STK33: variants seen among roughly 807,000 people sequenced by gnomAD.
STK33 encodes the protein serine/threonine-protein kinase 33.
A neutral mutation model predicts 58.0 loss-of-function variants in STK33; 52 were observed. The observed-to-expected ratio is 0.90, with a 90% CI of 0.72 to 1.13. The LOEUF is 1.13. Ranked by LOEUF, STK33 falls within the 50% of genes most tolerant of loss-of-function variation. STK33 has a pLI of 0.00. For synonymous variants in STK33, 215 were observed against 200.1 expected (o/e 1.07, Z -0.63); for missense variants, 630 against 604.2 (o/e 1.04, Z -0.45).
chr11:8,510,231 T>C (rs1952202937), intron 1 of STK33, among the ~76,000 whole-genome samples: 1 of 152,236 alleles, frequency 6.6e-6, no homozygotes, highest in African/African-American at 2.4e-5. Flanking sequence ...GTGGTTTTAA[T>C]TTGCGTTTCC....
chr11:8,536,972 A>ATTTTTTTTTTTTTTTTT (rs1232336873), intron 1 of STK33, among the ~76,000 whole-genome samples: 3 of 65,734 alleles, frequency 4.6e-5, no homozygotes, highest in African/African-American at 1.4e-4. Flanking sequence ...AAAAAAAAAG[A>ATTTTTTTTTTTTTTTTT]TTTTTTTTTT....
At chr11:8,401,899 A>C (rs1590766460) in intron 15 of STK33, among the ~76,000 whole-genome samples, 1 of 152,272 alleles carries the variant, frequency 6.6e-6, no homozygotes, top group East Asian at 1.9e-4. Flanking sequence ...AGAAATGCAA[A>C]TCAAAACCAC....
chr11:8,452,507 T>C (rs1004713986), intron 11 of STK33, among the ~76,000 whole-genome samples: 10 of 152,260 alleles, frequency 6.6e-5, no homozygotes, highest in African/African-American at 2.4e-4. Context: ...TCAAGTCTGG[T>C]GCAGTGTCTC....
the STK33 span, among the ~76,000 whole-genome samples, chr11:8,343,036 G>C: frequency 6.6e-6 from 1 of 152,216 alleles, no homozygotes; most frequent in East Asian, 1.9e-4. Flanking sequence ...TAAGAAGTCC[G>C]CTGGGAGAAG....
At chr11:8,485,629 A>G (rs1272153671) in intron 1 of STK33, among the ~76,000 whole-genome samples, 3 of 152,234 alleles carry the variant, frequency 2.0e-5, no homozygotes, top group Non-Finnish European at 4.4e-5. Flanking sequence ...AAAGTTGACT[A>G]TAAAGTTGAC....
At chr11:8,459,521 G>A (rs1330369512) in intron 8 of STK33, among the ~76,000 whole-genome samples, 1 of 151,950 alleles carries the variant, frequency 6.6e-6, no homozygotes, top group Non-Finnish European at 1.5e-5. Flanking sequence ...TTAAGAACTG[G>A]GCAAAATATA....
At chr11:8,452,379 A>G (rs1448846730) in intron 11 of STK33, among the ~76,000 whole-genome samples, 1 of 152,188 alleles carries the variant, frequency 6.6e-6, no homozygotes, top group African/African-American at 2.4e-5. Flanking sequence ...AAATACTAAA[A>G]CAAGTGAAAT....
the STK33 span, among the ~76,000 whole-genome samples, chr11:8,363,848 C>G: frequency 1.3e-5 from 2 of 152,174 alleles, no homozygotes. Context: ...AGTTTTAATT[C>G]TGATGCAATT....
chr11:8,356,412 G>A, the STK33 span, among the ~76,000 whole-genome samples: 1 of 152,166 alleles, frequency 6.6e-6, no homozygotes, highest in African/African-American at 2.4e-5. Flanking sequence ...TGGCTGACAG[G>A]GGACCCTGCC....
chr11:8,493,662 C>A (rs1376551858), intron 1 of STK33, among the ~76,000 whole-genome samples: 1 of 152,186 alleles, frequency 6.6e-6, no homozygotes, highest in African/African-American at 2.4e-5. Flanking sequence ...AATTTTAGAA[C>A]AATATCCCTG....
At chr11:8,448,944 C>A (rs1414483778) in intron 11 of STK33, among the ~76,000 whole-genome samples, 1 of 151,492 alleles carries the variant, frequency 6.6e-6, no homozygotes, top group African/African-American at 2.4e-5. Context: ...CAAGAAAAAA[C>A]AAACAACCCC....
chr11:8,534,532 T>TTCTCTCTC (rs61429377), intron 1 of STK33, among the ~76,000 whole-genome samples: 2 of 122,516 alleles, frequency 1.6e-5, no homozygotes, highest in South Asian at 6.1e-4. Flanking sequence ...GTATATATAT[T>TTCTCTCTC]TCTCTCTCTC....
chr11:8,341,537 G>A, the STK33 span, among the ~76,000 whole-genome samples: 2 of 152,206 alleles, frequency 1.3e-5, no homozygotes, highest in Non-Finnish European at 2.9e-5. Flanking sequence ...GAAAGGAAGC[G>A]TGTTGGCAAT....
At chr11:8,382,438 A>G in the STK33 span, among the ~76,000 whole-genome samples, 2 of 152,158 alleles carry the variant, frequency 1.3e-5, no homozygotes, top group Non-Finnish European at 2.9e-5. Context: ...ATGTGTGAAC[A>G]CTCCTGGGAA....
chr11:8,413,072 A>AT (rs1940545600), intron 15 of STK33, among the ~76,000 whole-genome samples: 1 of 152,212 alleles, frequency 6.6e-6, no homozygotes, highest in African/African-American at 2.4e-5. Flanking sequence ...TACAAAAATT[A>AT]TTAATTTTGA....
rs143021755 is a variant in STK33 at position 8,548,168 on chromosome 11, A to T, written c.-466+45915T>A. ...CTAGAACTTAAAGTATAATAAAAAA[A>T]AAAAAAATCTTTGCCCAGACCAATG... On this transcript the variant is annotated intron_variant, in intron 1 of 15. Transcript: ENST00000687296. 2.8e-3 allele frequency among the ~76,000 whole-genome samples: 421 copies of T among 151,644 alleles called. 11 individuals carry two copies. The East Asian group carries it at 0.068, about 24-fold the overall frequency.
chr11:8,535,650 A>G (rs1345197378), intron 1 of STK33, among the ~76,000 whole-genome samples: 1 of 152,202 alleles, frequency 6.6e-6, no homozygotes, highest in Non-Finnish European at 1.5e-5. Flanking sequence ...GTAAACTAGT[A>G]CAGCCACTAT....
chr11:8,480,970 A>T (rs1949745691), intron 1 of STK33, among the ~76,000 whole-genome samples: 1 of 152,180 alleles, frequency 6.6e-6, no homozygotes, highest in Non-Finnish European at 1.5e-5. Flanking sequence ...TTCACTAATA[A>T]ATATATTAAT....
intron 15 of STK33, among the ~76,000 whole-genome samples, chr11:8,402,941 TTA>T (rs1320250125): frequency 2.0e-5 from 3 of 152,196 alleles, no homozygotes; most frequent in Non-Finnish European, 4.4e-5. Context: ...TGATGCAATT[TTA>T]TAGTTTTGTA....
Sources: gnomAD v4.1 joint callset for allele counts (sites outside exome capture counted in the v4.1 genomes callset) on GRCh38, gnomAD v4.1.1 for gene constraint, MANE v1.5 for transcripts, NCBI Gene and HGNC (gene_info 2026-07-23, HGNC 2026-07-21) for gene names.